Variants in VKORC1L1 observed in about 807,000 individuals in gnomAD.
The protein encoded by VKORC1L1 is vitamin K epoxide reductase complex subunit 1-like protein 1.
A neutral mutation model predicts 18.9 loss-of-function variants in VKORC1L1; 2 were observed. The ratio of observed to expected loss-of-function variants is 0.11; its 90% CI spans 0.04 to 0.33. The LOEUF (loss-of-function observed/expected upper bound fraction) is 0.33. Among genes scored for constraint, VKORC1L1 ranks in the 10% least tolerant of loss-of-function variants. The pLI is 1.00. For synonymous variants in VKORC1L1, 96 were observed against 100.0 expected (o/e 0.96, Z 0.24); for missense variants, 123 against 224.1 (o/e 0.55, Z 2.88).
chr7:65,932,460 T>C (rs548367376), intron 1 of VKORC1L1, among the ~76,000 whole-genome samples: 2 of 152,318 alleles, frequency 1.3e-5, no homozygotes, highest in African/African-American at 2.4e-5. Context: ...TCCTTTCTAA[T>C]ATAAGCATTT....
intron 1 of VKORC1L1, among the ~76,000 whole-genome samples, chr7:65,933,359 A>G (rs957058668): frequency 1.3e-5 from 2 of 151,850 alleles, no homozygotes; most frequent in African/African-American, 4.8e-5. Flanking sequence ...TGGTTAATTG[A>G]TCCTTTTACC....
intron 1 of VKORC1L1, among the ~76,000 whole-genome samples, chr7:65,907,000 A>AGGTG (rs1210954929): frequency 2.0e-5 from 3 of 152,202 alleles, no homozygotes; most frequent in Non-Finnish European, 2.9e-5. Flanking sequence ...AAACTAGTGT[A>AGGTG]TTTACTCAAA....
intron 1 of VKORC1L1, among the ~76,000 whole-genome samples, chr7:65,892,992 T>A (rs1562985582): frequency 2.0e-5 from 3 of 152,178 alleles, no homozygotes; most frequent in Non-Finnish European, 2.9e-5. Context: ...CTCCCACAAG[T>A]GTACAATAGG....
At chr7:65,933,102 T>G (rs979086388) in intron 1 of VKORC1L1, among the ~76,000 whole-genome samples, 5 of 129,138 alleles carry the variant, frequency 3.9e-5, no homozygotes, top group Non-Finnish European at 6.7e-5. Context: ...AAAAAAAAAG[T>G]GTGTCGGCTG....
the VKORC1L1 span, among the ~76,000 whole-genome samples, chr7:65,865,939 G>T: frequency 2.0e-5 from 3 of 151,882 alleles, no homozygotes; most frequent in African/African-American, 7.2e-5. Context: ...GGCCAACATG[G>T]TGAAATCCTG....
intron 1 of VKORC1L1, among the ~76,000 whole-genome samples, chr7:65,945,508 A>G (rs1790105724): frequency 6.6e-6 from 1 of 151,926 alleles, no homozygotes; most frequent in Non-Finnish European, 1.5e-5. Context: ...GCCACTTGGG[A>G]GGCTGAGGCA....
chr7:65,921,847 C>CAA (rs781755033), intron 1 of VKORC1L1, among the ~76,000 whole-genome samples: 3 of 129,576 alleles, frequency 2.3e-5, no homozygotes, highest in Non-Finnish European at 3.3e-5. Flanking sequence ...GACTCCATCT[C>CAA]AAAAAAAAAA....
intron 1 of VKORC1L1, among the ~76,000 whole-genome samples, chr7:65,880,769 A>G (rs546872815): frequency 3.9e-5 from 6 of 152,308 alleles, no homozygotes; most frequent in Middle Eastern, 3.4e-3. Flanking sequence ...AACATATTCA[A>G]CTGGGTTGGG....
At chr7:65,923,259 G>A (rs1001493801) in intron 1 of VKORC1L1, among the ~76,000 whole-genome samples, 2 of 152,068 alleles carry the variant, frequency 1.3e-5, no homozygotes, top group Admixed American at 6.6e-5. Flanking sequence ...AAAATTAGCC[G>A]GGTGTTGTGG....
chr7:65,947,226 G>A (rs1035445696), intron 1 of VKORC1L1, among the ~76,000 whole-genome samples: 2 of 152,090 alleles, frequency 1.3e-5, no homozygotes. Flanking sequence ...TAAAATCGGG[G>A]TGATTTTTCT....
chr7:65,896,643 A>G (rs1789218455), intron 1 of VKORC1L1, among the ~76,000 whole-genome samples: 1 of 137,656 alleles, frequency 7.3e-6, no homozygotes, highest in African/African-American at 2.7e-5. Context: ...TGCCTCTCTT[A>G]TGATTCTTCA....
chr7:65,958,279 G>A lies in VKORC1L1; in HGVS notation c.*3979G>A, dbSNP rs1178669842. 1 of 152,186 alleles carries A rather than the reference G, an allele frequency of 6.6e-6. No homozygotes were observed. Among genetic ancestry groups the A allele is most frequent in the East Asian group, 1.9e-4 (1 of 5,198 alleles). 9.4% of individuals were successfully genotyped at this position (152,186 alleles called of 1,614,324 possible). On this transcript the variant is annotated 3_prime_UTR_variant, in exon 3 of 3. Coordinates refer to ENST00000360768, the MANE Select transcript of VKORC1L1 (RefSeq NM_173517.6). ...TTGTTATAAAACTGTATTAAGCATG[G>A]CCTAAGTATTTATTAGGTATATGAT...
At chr7:65,938,157 G>C (rs944630352) in intron 1 of VKORC1L1, among the ~76,000 whole-genome samples, 18 of 152,148 alleles carry the variant, frequency 1.2e-4, no homozygotes, top group African/African-American at 3.4e-4. Flanking sequence ...ACAGTGAGCA[G>C]AGATCAAGCC....
chr7:65,939,720 C>T (rs749666688), intron 1 of VKORC1L1, among the ~76,000 whole-genome samples: 5 of 152,104 alleles, frequency 3.3e-5, no homozygotes, highest in East Asian at 3.9e-4. Context: ...GCCAGAGCAG[C>T]GACAGGGAAG....
chr7:65,942,946 C>G (rs1198154920), intron 1 of VKORC1L1, among the ~76,000 whole-genome samples: 1 of 152,124 alleles, frequency 6.6e-6, no homozygotes, highest in Non-Finnish European at 1.5e-5. Context: ...ATTCTGGGCT[C>G]TGTGTCAGAC....
intron 1 of VKORC1L1, among the ~76,000 whole-genome samples, chr7:65,918,723 G>A (rs535547718): frequency 2.6e-5 from 4 of 152,300 alleles, no homozygotes; most frequent in Admixed American, 6.5e-5. Flanking sequence ...AATATATGTC[G>A]TGTTAATGTT....
chr7:65,947,089 G>A (rs1297531475), intron 1 of VKORC1L1, among the ~76,000 whole-genome samples: 2 of 152,098 alleles, frequency 1.3e-5, no homozygotes, highest in African/African-American at 4.8e-5. Flanking sequence ...AGTGAGTCAT[G>A]ATTGCAACTG....
At chr7:65,931,710 C>T (rs575873554) in intron 1 of VKORC1L1, among the ~76,000 whole-genome samples, 9 of 152,202 alleles carry the variant, frequency 5.9e-5, no homozygotes, top group South Asian at 2.1e-4. Flanking sequence ...GGGGTGATCT[C>T]GGCTCACTGC....
chr7:65,870,644 C>T (rs1788715210), upstream of VKORC1L1, among the ~76,000 whole-genome samples: 1 of 151,960 alleles, frequency 6.6e-6, no homozygotes, highest in Non-Finnish European at 1.5e-5. Context: ...CATGGGTAAA[C>T]CTCCCAGACC....
Sources: gnomAD v4.1 joint callset for allele counts (sites outside exome capture counted in the v4.1 genomes callset) on GRCh38, gnomAD v4.1.1 for gene constraint, MANE v1.5 for transcripts, NCBI Gene and HGNC (gene_info 2026-07-23, HGNC 2026-07-21) for gene names.